The following FSTL5 variants were observed in gnomAD, a reference collection of about 807,000 sequenced individuals.
FSTL5 encodes the protein follistatin like 5.
Under a neutral mutation model 89.1 loss-of-function variants are expected in FSTL5, and 62 were observed. That is an observed-to-expected ratio of 0.70 (90% CI 0.57 to 0.86). FSTL5 has a LOEUF of 0.86. FSTL5 is among the 40% of genes least tolerant of loss of function. The pLI is 0.00. For missense variants in FSTL5, 1,057 were observed against 1,001.6 expected (o/e 1.06, Z -0.75); for synonymous variants, 383 against 346.2 (o/e 1.11, Z -1.18).
At chr4:161,776,849 A>C (rs1318144085) in intron 4 of FSTL5, among the ~76,000 whole-genome samples, 1 of 152,040 alleles carries the variant, frequency 6.6e-6, no homozygotes, top group African/African-American at 2.4e-5. Context: ...CACCTCAAAC[A>C]TTTATGGTTT....
chr4:161,798,927 G>A (rs1168823895), intron 4 of FSTL5, among the ~76,000 whole-genome samples: 1 of 151,640 alleles, frequency 6.6e-6, no homozygotes, highest in Non-Finnish European at 1.5e-5. Flanking sequence ...ACACATTTGA[G>A]GCCCAAGGGA....
chr4:161,803,832 T>C (rs1268134362), intron 4 of FSTL5, among the ~76,000 whole-genome samples: 1 of 152,056 alleles, frequency 6.6e-6, no homozygotes, highest in South Asian at 2.1e-4. Context: ...AGAAGTCTGG[T>C]GCACTGTGTC....
At chr4:161,816,734 G>A (rs2126845495) in intron 4 of FSTL5, among the ~76,000 whole-genome samples, 1 of 152,180 alleles carries the variant, frequency 6.6e-6, no homozygotes, top group South Asian at 2.1e-4. Context: ...TTCCAAACAG[G>A]ACAGAGAGAG....
At chr4:161,623,033 A>G (rs1157003976) in intron 7 of FSTL5, among the ~76,000 whole-genome samples, 3 of 152,128 alleles carry the variant, frequency 2.0e-5, no homozygotes, top group African/African-American at 7.2e-5. Context: ...GTCATAAACT[A>G]TCTCAATAAC....
intron 3 of FSTL5, 132 bp from the exon 4 acceptor site, chr4:161,920,784 G>T: frequency 1.3e-6 from 1 of 772,700 alleles, no homozygotes; most frequent in Non-Finnish European, 2.0e-6. Flanking sequence ...TCAATTTTCA[G>T]TGGTGGACAT....
intron 15 of FSTL5, among the ~76,000 whole-genome samples, chr4:161,389,839 T>C (rs1730762171): frequency 6.6e-6 from 1 of 152,132 alleles, no homozygotes; most frequent in Non-Finnish European, 1.5e-5. Flanking sequence ...ACATAAAACA[T>C]TCTCTGTGGG....
rs1022653923 is a variant in FSTL5 at position 161,455,122 on chromosome 4, T to A, written c.1723A>T (p.Thr575Ser). 29 of 1,605,916 alleles carry A rather than the reference T, an allele frequency of 1.8e-5. No homozygotes were observed. The highest frequency in any genetic ancestry group is 2.0e-5 in the Non-Finnish European group (24 of 1,176,890). Residue 575 changes from threonine to serine, a missense_variant, in exon 15 of 16, where the codon ACC becomes TCC. Thr to Ser is a moderately conservative substitution (Grantham distance 58, BLOSUM62 1). Transcript: ENST00000306100. ...EKTSPTLQVI[T>S]LASGNVPHHT... is the part of the protein sequence containing the mutation. ...TGAGGCACATTCCCACTGGCCAGGGTAATTACCTAAAGAGAACACACCTTG... is the reference window on the plus strand; with the variant it reads ...TGAGGCACATTCCCACTGGCCAGGGAAATTACCTAAAGAGAACACACCTTG...
chr4:162,031,704 G>A (rs1170559782), intron 3 of FSTL5, among the ~76,000 whole-genome samples: 9 of 152,134 alleles, frequency 5.9e-5, no homozygotes, highest in Admixed American at 1.3e-4. Flanking sequence ...TTAGGAGGCC[G>A]AGGAGGGAGG....
intron 15 of FSTL5, among the ~76,000 whole-genome samples, chr4:161,406,936 A>G (rs972037973): frequency 2.6e-5 from 4 of 152,150 alleles, no homozygotes; most frequent in African/African-American, 7.2e-5. Flanking sequence ...TGCCTATTAC[A>G]GTGTTCAATT....
At chr4:161,462,616 A>C (rs1389932080) in intron 13 of FSTL5, among the ~76,000 whole-genome samples, 1 of 152,194 alleles carries the variant, frequency 6.6e-6, no homozygotes, top group Admixed American at 6.5e-5. Context: ...CTGTAATAAT[A>C]CCTACTTCAA....
chr4:161,907,603 T>C (rs895868817), intron 4 of FSTL5, among the ~76,000 whole-genome samples: 4 of 152,126 alleles, frequency 2.6e-5, no homozygotes, highest in South Asian at 2.1e-4. Flanking sequence ...AATTATTAAA[T>C]GTGTGCATAA....
rs1253340194 is a variant in FSTL5, at chr4:161,566,277, CAT to C, written c.1015+21176_1015+21177del. Among the ~76,000 whole-genome samples the C allele has an allele frequency of 6.6e-5, 10 of 151,088 alleles. No individual in the cohort carries two copies. In the South Asian group the frequency reaches 1.3e-3, roughly 19 times the overall value. ...ACTCAGAAATGGAAAACAAATACCA[CAT>C]GTTTTTACTTATAAGTGGAAGCTAA... On this transcript the variant is annotated intron_variant, in intron 8 of 15. Transcript: ENST00000306100.
intron 7 of FSTL5, among the ~76,000 whole-genome samples, chr4:161,623,950 T>C (rs1259429427): frequency 2.0e-5 from 3 of 152,012 alleles, no homozygotes; most frequent in African/African-American, 7.2e-5. Context: ...TTTATATAGT[T>C]CTTAGCAGTT....
chr4:161,600,017 T>G (rs1047232441), intron 7 of FSTL5, among the ~76,000 whole-genome samples: 10 of 152,114 alleles, frequency 6.6e-5, no homozygotes, highest in Admixed American at 2.0e-4. Flanking sequence ...AAAGTTTAAG[T>G]AACTTCCCTA....
chr4:161,887,012 C>G (rs549412386), intron 4 of FSTL5, among the ~76,000 whole-genome samples: 2 of 152,230 alleles, frequency 1.3e-5, no homozygotes, highest in South Asian at 4.1e-4. Flanking sequence ...TGACTGTTAA[C>G]ATTTTATTGC....
At chr4:161,526,398 T>C (rs1023248894) in intron 10 of FSTL5, among the ~76,000 whole-genome samples, 8 of 152,164 alleles carry the variant, frequency 5.3e-5, no homozygotes, top group Non-Finnish European at 1.0e-4. Context: ...CAGAGTTGAG[T>C]ATTACCATAT....
At chr4:161,715,097 T>C (rs1051316603) in intron 6 of FSTL5, among the ~76,000 whole-genome samples, 2 of 152,106 alleles carry the variant, frequency 1.3e-5, no homozygotes, top group African/African-American at 4.8e-5. Flanking sequence ...AAAATTGCTA[T>C]GATGAGAAAC....
At chr4:161,442,125 C>A (rs1000468700) in intron 15 of FSTL5, among the ~76,000 whole-genome samples, 1 of 149,100 alleles carries the variant, frequency 6.7e-6, no homozygotes, top group East Asian at 2.0e-4. Context: ...CTTTGCTTTG[C>A]TTCCAGTTCA....
At position 161,717,966 on chromosome 4, in the gene FSTL5, C is replaced by T. The variant is rs556702487; in HGVS notation, c.727+41445G>A. The stretch of plus-strand genomic sequence containing the variant: ...ATATTCATTCTGTAATATGTGCAGT[C>T]ACTTATTGTATGTTATGGAGTCAAA... On this transcript the variant is annotated intron_variant, in intron 6 of 15. Coordinates refer to ENST00000306100, the MANE Select transcript of FSTL5 (RefSeq NM_020116.5). Among the ~76,000 whole-genome samples the T allele has an allele frequency of 3.3e-5, 5 of 152,174 alleles. No individual in the cohort carries two copies. In the South Asian group the frequency reaches 1.0e-3, roughly 32 times the overall value.
Sources: gnomAD v4.1 joint callset for allele counts (sites outside exome capture counted in the v4.1 genomes callset) on GRCh38, gnomAD v4.1.1 for gene constraint, MANE v1.5 for transcripts, NCBI Gene and HGNC (gene_info 2026-07-23, HGNC 2026-07-21) for gene names.